The following PVT1 variants were observed in gnomAD, a reference collection of about 807,000 sequenced individuals.
PVT1 encodes the protein CXCR4/PVT1 fusion.
chr8:128,037,380 G>C (rs1467852312), intron 4 of PVT1, among the ~76,000 whole-genome samples: 1 of 152,218 alleles, frequency 6.6e-6, no homozygotes, highest in African/African-American at 2.4e-5. Flanking sequence ...TGTGGGTTTG[G>C]GGGAGCTTGC....
intron 2 of PVT1, among the ~76,000 whole-genome samples, chr8:127,820,131 G>A (rs551422932): frequency 2.6e-5 from 4 of 152,268 alleles, no homozygotes; most frequent in East Asian, 1.9e-4. Context: ...CAAGGCCAGC[G>A]GTCCAGCACT....
chr8:127,822,610 A>C (rs181440963), intron 2 of PVT1, among the ~76,000 whole-genome samples: 2 of 152,258 alleles, frequency 1.3e-5, no homozygotes. Flanking sequence ...AATTCAATGC[A>C]GTGATTATTA....
intron 4 of PVT1, among the ~76,000 whole-genome samples, chr8:128,063,553 GAC>G (rs150359865): frequency 0.03 from 4,546 of 150,988 alleles, 170 homozygotes; most frequent in East Asian, 0.18. Flanking sequence ...GTGTGTGCCA[GAC>G]ACACACACAC....
intron 4 of PVT1, among the ~76,000 whole-genome samples, chr8:128,002,949 G>GACTC (rs1817197816): frequency 1.0e-5 from 1 of 97,172 alleles, no homozygotes; most frequent in Non-Finnish European, 2.0e-5. Flanking sequence ...CTCCCTCTCT[G>GACTC]CCTCCCTCCC....
chr8:127,924,702 G>A (rs1403566664), intron 3 of PVT1, among the ~76,000 whole-genome samples: 2 of 152,004 alleles, frequency 1.3e-5, no homozygotes, highest in African/African-American at 4.8e-5. Flanking sequence ...TAGTGGAGAT[G>A]GGGTTTCGCC....
At chr8:127,846,553 G>A (rs751034605) in intron 2 of PVT1, among the ~76,000 whole-genome samples, 15 of 152,160 alleles carry the variant, frequency 9.9e-5, no homozygotes, top group Non-Finnish European at 1.6e-4. Flanking sequence ...AGCCTGTGCC[G>A]TGTGTTTCCA....
At chr8:127,960,033 G>C (rs2129943299) in intron 3 of PVT1, among the ~76,000 whole-genome samples, 1 of 152,328 alleles carries the variant, frequency 6.6e-6, no homozygotes, top group Non-Finnish European at 1.5e-5. Context: ...GTACGTCGTA[G>C]TTTTGTCATC....
intron 2 of PVT1, among the ~76,000 whole-genome samples, chr8:127,823,530 G>A (rs1397651633): frequency 6.6e-6 from 1 of 152,172 alleles, no homozygotes; most frequent in Non-Finnish European, 1.5e-5. Flanking sequence ...GAGTGAATCA[G>A]GGACAGGTCA....
intron 6 of PVT1, chr8:128,099,549 C>T (rs1032088093): frequency 6.6e-6 from 1 of 152,224 alleles, no homozygotes. Context: ...CACTACTGAC[C>T]TTGCAGCTTA....
chr8:127,924,632 C>T (rs1015899266), intron 3 of PVT1, among the ~76,000 whole-genome samples: 1 of 151,814 alleles, frequency 6.6e-6, no homozygotes, highest in African/African-American at 2.4e-5. Flanking sequence ...CTGCCTCAGC[C>T]TCCTGAGTAG....
At chr8:127,891,141 C>T (rs1332698526) in intron 3 of PVT1, 1 of 152,186 alleles carries the variant, frequency 6.6e-6, no homozygotes, top group Non-Finnish European at 1.5e-5. Flanking sequence ...AGAGGTCCTT[C>T]CTGGAAGCCG....
intron 2 of PVT1, among the ~76,000 whole-genome samples, chr8:127,798,450 T>C (rs1372257387): frequency 6.6e-6 from 1 of 152,002 alleles, no homozygotes; most frequent in African/African-American, 2.4e-5. Context: ...CTGCCGACCT[T>C]TTCTGCAGCC....
At chr8:127,985,608 A>G (rs1019404607) in intron 3 of PVT1, among the ~76,000 whole-genome samples, 3 of 152,068 alleles carry the variant, frequency 2.0e-5, no homozygotes, top group Non-Finnish European at 4.4e-5. Flanking sequence ...GATAGAATCT[A>G]GCAAGCGTGG....
intron 4 of PVT1, among the ~76,000 whole-genome samples, chr8:127,996,977 A>G (rs900292914): frequency 2.6e-5 from 4 of 151,180 alleles, no homozygotes; most frequent in Non-Finnish European, 4.4e-5. Context: ...TCAGTCTTCC[A>G]GGACCCTGAG....
intron 4 of PVT1, among the ~76,000 whole-genome samples, chr8:127,993,421 G>A (rs370468342): frequency 6.6e-6 from 1 of 152,230 alleles, no homozygotes; most frequent in Admixed American, 6.5e-5. Context: ...ACCACCCACC[G>A]TAGCTGTCAC....
At chr8:127,981,474 G>A (rs908087882) in intron 3 of PVT1, among the ~76,000 whole-genome samples, 11 of 152,212 alleles carry the variant, frequency 7.2e-5, no homozygotes, top group African/African-American at 2.4e-4. Flanking sequence ...TGATCAGAAC[G>A]CTTTTACGGA....
At chr8:127,851,714 G>A (rs1449295284) in intron 2 of PVT1, among the ~76,000 whole-genome samples, 1 of 152,152 alleles carries the variant, frequency 6.6e-6, no homozygotes, top group Non-Finnish European at 1.5e-5. Context: ...CAGAGTCTCA[G>A]AGATGAGACG....
chr8:128,094,337 AT>A (rs1391785213), intron 5 of PVT1, among the ~76,000 whole-genome samples: 1 of 152,258 alleles, frequency 6.6e-6, no homozygotes, highest in African/African-American at 2.4e-5. Flanking sequence ...AAATAAAAAA[AT>A]CACAAGAAAT....
intron 4 of PVT1, among the ~76,000 whole-genome samples, chr8:128,016,453 C>T (rs970402805): frequency 5.3e-5 from 8 of 152,118 alleles, no homozygotes; most frequent in Non-Finnish European, 1.2e-4. Flanking sequence ...CAGGACCATT[C>T]GTGTGGTCCT....
Sources: allele counts gnomAD v4.1 joint callset (sites outside exome capture counted in the v4.1 genomes callset), GRCh38; gene constraint gnomAD v4.1.1; transcripts MANE v1.5; gene names NCBI Gene and HGNC (gene_info 2026-07-23, HGNC 2026-07-21).